Variants in ATXN1 observed in about 807,000 individuals in gnomAD.
The protein encoded by ATXN1 is ataxin 1.
ATXN1 carries 8 observed loss-of-function variants against 56.4 expected under a neutral mutation model. The observed-to-expected ratio is 0.14, with a 90% CI of 0.08 to 0.26. The LOEUF (loss-of-function observed/expected upper bound fraction) is 0.26, where lower values mean the gene tolerates loss of function less well. Among genes scored for constraint, ATXN1 ranks in the 10% least tolerant of loss-of-function variants. ATXN1 has a pLI of 1.00. For synonymous variants in ATXN1, 514 were observed against 494.6 expected (o/e 1.04, Z -0.52); for missense variants, 987 against 1,106.5 (o/e 0.89, Z 1.53).
chr6:16,672,148 G>A (rs1758552608), intron 2 of ATXN1, among the ~76,000 whole-genome samples: 1 of 152,100 alleles, frequency 6.6e-6, no homozygotes, highest in Non-Finnish European at 1.5e-5. Context: ...AAGTCCTAGG[G>A]CCTCTGGTCT....
At chr6:16,355,218 T>C (rs931769581) in intron 6 of ATXN1, among the ~76,000 whole-genome samples, 4 of 152,226 alleles carry the variant, frequency 2.6e-5, no homozygotes, top group Non-Finnish European at 5.9e-5. Flanking sequence ...AGAACCCAGC[T>C]TGGATGCCCA....
chr6:16,600,503 A>C (rs1762893397), intron 3 of ATXN1, among the ~76,000 whole-genome samples: 1 of 152,214 alleles, frequency 6.6e-6, no homozygotes, highest in Admixed American at 6.5e-5. Flanking sequence ...GGTAGCCTAA[A>C]AGGAATGCTT....
chr6:16,308,747 G>C (rs189909554), intron 7 of ATXN1, among the ~76,000 whole-genome samples: 1 of 152,266 alleles, frequency 6.6e-6, no homozygotes, highest in Non-Finnish European at 1.5e-5. Flanking sequence ...AAAAAGGGGG[G>C]TGGTGGTCAT....
chr6:16,567,852 C>G (rs16878479), intron 4 of ATXN1, among the ~76,000 whole-genome samples: 10,558 of 152,242 alleles, frequency 0.069, 1,159 homozygotes, highest in African/African-American at 0.24. Context: ...CACCAGATAT[C>G]TGTAAAAGCA....
chr6:16,378,710 C>A (rs1762194452), intron 6 of ATXN1, among the ~76,000 whole-genome samples: 1 of 151,944 alleles, frequency 6.6e-6, no homozygotes, highest in South Asian at 2.1e-4. Flanking sequence ...AGGTGCACAC[C>A]ACCACCCCTG....
intron 6 of ATXN1, among the ~76,000 whole-genome samples, chr6:16,329,566 CA>C (rs35048991): frequency 6.6e-6 from 1 of 152,110 alleles, no homozygotes; most frequent in Admixed American, 6.5e-5. Context: ...AAATACCATA[CA>C]AAAATAGGGC....
At chr6:16,606,053 C>T (rs1762998793) in intron 3 of ATXN1, among the ~76,000 whole-genome samples, 1 of 152,062 alleles carries the variant, frequency 6.6e-6, no homozygotes, top group South Asian at 2.1e-4. Context: ...CGCTTGAACC[C>T]AGGAGTTCAA....
At chr6:16,578,347 C>T (rs1762462254) in intron 4 of ATXN1, among the ~76,000 whole-genome samples, 1 of 152,200 alleles carries the variant, frequency 6.6e-6, no homozygotes, top group South Asian at 2.1e-4. Context: ...TGTTGCTGCA[C>T]ATATTGCTGA....
chr6:16,618,225 G>A (rs531163741), intron 3 of ATXN1, among the ~76,000 whole-genome samples: 1 of 152,072 alleles, frequency 6.6e-6, no homozygotes, highest in South Asian at 2.1e-4. Context: ...AGAACACATG[G>A]ACACAGAGAG....
At position 16,523,409 on chromosome 6, in the gene ATXN1, G is replaced by T. The variant is rs545953935; in HGVS notation, c.-360-721C>A. 2.2e-4 allele frequency among the ~76,000 whole-genome samples: 33 copies of T among 152,272 alleles called. 1 individual carries two copies. In the South Asian group the frequency reaches 5.8e-3, roughly 27 times the overall value. On this transcript the variant is annotated intron_variant, in intron 4 of 7. Transcript: ENST00000436367. ...GGGGAATTCAGTGACCGTGGATGGG[G>T]ATGCCATCATAGCTCACTGCAGCCT...
chr6:16,603,893 C>T (rs371005489), intron 3 of ATXN1, among the ~76,000 whole-genome samples: 67 of 152,168 alleles, frequency 4.4e-4, no homozygotes, highest in Non-Finnish European at 8.5e-4. Context: ...TGCAAAGGGG[C>T]GCCTCTCCGT....
chr6:16,611,849 A>ATTTTTTT (rs369870821), intron 3 of ATXN1, among the ~76,000 whole-genome samples: 29 of 75,180 alleles, frequency 3.9e-4, no homozygotes, highest in South Asian at 6.7e-4. Flanking sequence ...AGCAGATGAA[A>ATTTTTTT]TTTTTTTTTT....
At chr6:16,739,636 G>A (rs1031475380) in intron 2 of ATXN1, 2 of 338,626 alleles carry the variant, frequency 5.9e-6, no homozygotes, top group African/African-American at 2.1e-5. Flanking sequence ...ATTTAACATC[G>A]TCCTGGCCAT....
chr6:16,334,470 T>G (rs1761068493), intron 6 of ATXN1, among the ~76,000 whole-genome samples: 1 of 152,144 alleles, frequency 6.6e-6, no homozygotes, highest in Non-Finnish European at 1.5e-5. Context: ...CTGGGTTCAG[T>G]GGCTCACACC....
intron 3 of ATXN1, among the ~76,000 whole-genome samples, chr6:16,610,234 A>G (rs992778188): frequency 2.6e-5 from 4 of 151,818 alleles, no homozygotes; most frequent in African/African-American, 4.9e-5. Flanking sequence ...AAATTTTTCT[A>G]AACTGAAGAA....
intron 6 of ATXN1, among the ~76,000 whole-genome samples, chr6:16,429,214 C>CT (rs1182329758): frequency 6.6e-6 from 1 of 151,928 alleles, no homozygotes; most frequent in African/African-American, 2.4e-5. Context: ...AATTTAAATT[C>CT]TCTGCCCTAC....
At chr6:16,581,350 T>C (rs1229294099) in intron 4 of ATXN1, among the ~76,000 whole-genome samples, 7 of 151,650 alleles carry the variant, frequency 4.6e-5, no homozygotes, top group South Asian at 4.2e-4. Flanking sequence ...ACGTGGTGGA[T>C]GTTTGAGGGC....
At position 16,730,343 on chromosome 6, in the gene ATXN1, G is replaced by A. The variant is rs536237075; in HGVS notation, c.-615+22890C>T. 3.9e-3 allele frequency among the ~76,000 whole-genome samples: 587 copies of A among 152,036 alleles called. 4 individuals are homozygous for A. Among genetic ancestry groups the A allele is most frequent in the African/African-American group, 0.014 (562 of 41,480 alleles). ...ACTTGGAATTTCCTTTATAAAATTAGATGTCTGCATATTAAATGAAGTTTG... is the reference window on the plus strand; with the variant it reads ...ACTTGGAATTTCCTTTATAAAATTAAATGTCTGCATATTAAATGAAGTTTG... On this transcript the variant is annotated intron_variant, in intron 2 of 7. Transcript: ENST00000436367.
chr6:16,614,892 T>C (rs1763177196), intron 3 of ATXN1: 1 of 151,296 alleles, frequency 6.6e-6, no homozygotes, highest in Non-Finnish European at 1.5e-5. Context: ...GCCACTGCAC[T>C]CCAGCCTGGG....
Sources: allele counts gnomAD v4.1 joint callset (sites outside exome capture counted in the v4.1 genomes callset), GRCh38; gene constraint gnomAD v4.1.1; transcripts MANE v1.5; gene names NCBI Gene and HGNC (gene_info 2026-07-23, HGNC 2026-07-21).